Variants in MAP7D2 observed in about 807,000 individuals in gnomAD.
The protein encoded by MAP7D2 is MAP7 domain containing 2.
Under a neutral mutation model 63.5 loss-of-function variants are expected in MAP7D2, and 33 were observed. That is an observed-to-expected ratio of 0.52 (90% CI 0.39 to 0.70). The LOEUF (loss-of-function observed/expected upper bound fraction) is 0.70, where lower values mean the gene tolerates loss of function less well. Among genes scored for constraint, MAP7D2 ranks in the 30% least tolerant of loss-of-function variants. MAP7D2 has a pLI of 0.00. For synonymous variants in MAP7D2, 224 were observed against 223.7 expected (o/e 1.00, Z -0.01); for missense variants, 626 against 604.0 (o/e 1.04, Z -0.38).
rs1420784181 is a variant in MAP7D2 at position 20,016,161 on chromosome X, T to C, written c.1577A>G (p.Glu526Gly). 4 of 1,201,159 alleles carry C rather than the reference T, an allele frequency of 3.3e-6. No homozygotes were observed. ...CTTTTCTTTCAACAACAGCTCCTCC[T>C]CAGCCTTCCGCTTGGCCTCCTCGCC... ...KAGEEAKRKA[E>G]EELLLKEKQE... The change falls in exon 11 of 17, where the codon GAG becomes GGG. Residue 526 changes from glutamate (E) to glycine (G), a missense_variant. Transcript: ENST00000379643.
chrX:20,032,313 T>C (rs913229522), intron 8 of MAP7D2, among the ~76,000 whole-genome samples: 6 of 111,784 alleles, frequency 5.4e-5, no homozygotes, highest in South Asian at 3.8e-4. Context: ...GAGAATGATG[T>C]GGTGGCAAAA....
At chrX:20,116,458 A>G in intron 1 of MAP7D2, 1 of 548,165 alleles carries the variant, frequency 1.8e-6, no homozygotes, top group South Asian at 9.7e-5. Context: ...GACCCGCAGC[A>G]CCCCCTCAGG....
intron 1 of MAP7D2, among the ~76,000 whole-genome samples, chrX:20,074,826 G>T (rs1226248148): frequency 9.0e-6 from 1 of 111,546 alleles, no homozygotes; most frequent in Non-Finnish European, 1.9e-5. Context: ...TGAGACAGGT[G>T]AATCACCTGA....
At chrX:20,084,344 C>T (rs907328899) in intron 1 of MAP7D2, among the ~76,000 whole-genome samples, 10 of 111,546 alleles carry the variant, frequency 9.0e-5, no homozygotes, top group Middle Eastern at 4.6e-3. Flanking sequence ...CATCAATATA[C>T]GGTAGTAATA....
At position 20,044,480 on chromosome X, in the gene MAP7D2, G is replaced by T; in HGVS notation, c.763C>A (p.Pro255Thr). Reference sequence around the variant, plus strand: ...CGAGTGGGTGAAGACTTGTAAGAAGGGTTAAGAGGGCCAAGAGGAGCTAAA... The same window carrying T: ...CGAGTGGGTGAAGACTTGTAAGAAGTGTTAAGAGGGCCAAGAGGAGCTAAA... ...PRLAPLGPLN[P>T]SYKSSPTRNI... is the part of the protein sequence containing the mutation. The change falls in exon 7 of 17, where the codon CCT (proline) becomes ACT (threonine). Residue 255 changes from proline (P) to threonine (T), a missense_variant. By Grantham distance (38) the Pro-to-Thr change is conservative. Transcript: ENST00000379643. The T allele has an allele frequency of 8.3e-7, 1 of 1,210,392 alleles. No homozygotes were observed.
At chrX:20,085,293 CT>C (rs2065884062) in intron 1 of MAP7D2, among the ~76,000 whole-genome samples, 1 of 112,199 alleles carries the variant, frequency 8.9e-6, no homozygotes, top group South Asian at 3.7e-4. Context: ...AGCTTTGATA[CT>C]TGTAAAAACC....
In MAP7D2 at chrX:20,094,557, T is replaced by C. The variant is rs1253095044; in HGVS notation, c.130+22193A>G. Among the ~76,000 whole-genome samples, 5 of 13,353 alleles carry C rather than the reference T, an allele frequency of 3.7e-4. 1 individual carries two copies. Among genetic ancestry groups the C allele is most frequent in the East Asian group, 5.7e-3 (2 of 348 alleles). The allele number at this position is 13,353 out of a possible 115,157, so 11.6% of individuals were successfully genotyped here. On this transcript the variant is annotated intron_variant, in intron 1 of 16. Coordinates refer to ENST00000379643, the MANE Select transcript of MAP7D2 (RefSeq NM_001168465.2). ...ATATATATATGTATATATATATATA[T>C]ATATATATATACATATATATGTATA... is the stretch of plus-strand genomic sequence containing the variant.
At chrX:20,049,460 TGG>T (rs1332299509) in intron 6 of MAP7D2, among the ~76,000 whole-genome samples, 1 of 109,111 alleles carries the variant, frequency 9.2e-6, no homozygotes, top group African/African-American at 3.3e-5. Context: ...TTAGTAGAGA[TGG>T]GGTTTCACTA....
At chrX:20,097,360 G>A (rs2148516605) in intron 1 of MAP7D2, among the ~76,000 whole-genome samples, 1 of 111,490 alleles carries the variant, frequency 9.0e-6, no homozygotes. Context: ...TAAGCTCTGG[G>A]CCAATGTGTG....
chrX:20,055,664 C>T (rs1466317420), intron 4 of MAP7D2: 1 of 620,893 alleles, frequency 1.6e-6, no homozygotes, highest in Admixed American at 3.8e-5. Context: ...TTGACGCAGA[C>T]ATGGTGATGG....
chrX:20,046,780 T>C (rs182507765), intron 6 of MAP7D2, among the ~76,000 whole-genome samples: 113 of 113,025 alleles, frequency 1.0e-3, no homozygotes, highest in African/African-American at 3.5e-3. Context: ...GAAATGCTTT[T>C]GTCCTTTCTT....
chrX:20,061,697 A>G lies in MAP7D2; in HGVS notation c.372+1717T>C, dbSNP rs1375336961. On this transcript the variant is annotated intron_variant, in intron 3 of 16. Coordinates refer to ENST00000379643, the MANE Select transcript of MAP7D2 (RefSeq NM_001168465.2). Reference sequence around the variant, plus strand: ...TATGGCATAAAACTCCCTCACCTCCAAGAAGGGGGAGCTGTTCTACTTAAT... The same window carrying G: ...TATGGCATAAAACTCCCTCACCTCCGAGAAGGGGGAGCTGTTCTACTTAAT... Among the ~76,000 whole-genome samples, 5 of 112,706 alleles carry G rather than the reference A, an allele frequency of 4.4e-5. No homozygotes were observed. In the Admixed American group the frequency reaches 4.7e-4, roughly 11 times the overall value.
At chrX:20,089,052 G>GTTAC (rs1156725265) in intron 1 of MAP7D2, among the ~76,000 whole-genome samples, 1 of 111,633 alleles carries the variant, frequency 9.0e-6, no homozygotes. Flanking sequence ...CAGTGCTAGG[G>GTTAC]TTACAGGTGT....
chrX:20,097,679 G>T (rs1437609696), intron 1 of MAP7D2, among the ~76,000 whole-genome samples: 1 of 111,746 alleles, frequency 8.9e-6, no homozygotes, highest in Non-Finnish European at 1.9e-5. Flanking sequence ...GCACTAGGTG[G>T]GAGAAAAAGA....
chrX:20,076,462 T>C (rs2065644651), intron 1 of MAP7D2, among the ~76,000 whole-genome samples: 1 of 111,346 alleles, frequency 9.0e-6, no homozygotes, highest in African/African-American at 3.3e-5. Flanking sequence ...TCCCAGCACT[T>C]TGGGAGGCTG....
intron 1 of MAP7D2, among the ~76,000 whole-genome samples, chrX:20,113,311 A>G (rs1014578200): frequency 5.4e-5 from 6 of 111,143 alleles, no homozygotes; most frequent in Admixed American, 2.9e-4. Flanking sequence ...CAGTGGCTCA[A>G]TCTCTGCTCA....
In MAP7D2 at chrX:20,009,989, C is replaced by T. The variant is rs145683673; in HGVS notation, c.*26+788G>A. Among the ~76,000 whole-genome samples, 321 of 111,879 alleles carry T rather than the reference C, an allele frequency of 2.9e-3. 3 individuals are homozygous for T. Among genetic ancestry groups the T allele is most frequent in the Middle Eastern group, 0.027 (6 of 219 alleles). On this transcript the variant is annotated intron_variant, in intron 16 of 16. Coordinates refer to ENST00000379643, the MANE Select transcript of MAP7D2 (RefSeq NM_001168465.2). Reference sequence around the variant, plus strand: ...CAGCCTGGACAACAGAGTGAGATCACTTCTCTTGAAAACAAAAACAGAATC... The same window carrying T: ...CAGCCTGGACAACAGAGTGAGATCATTTCTCTTGAAAACAAAAACAGAATC...
At chrX:20,113,361 T>C (rs781099433) in intron 1 of MAP7D2, among the ~76,000 whole-genome samples, 8 of 111,510 alleles carry the variant, frequency 7.2e-5, no homozygotes, top group African/African-American at 2.3e-4. Flanking sequence ...ATTCCCTGCC[T>C]CAGCCTCCCG....
intron 3 of MAP7D2, among the ~76,000 whole-genome samples, chrX:20,060,047 T>A (rs2065169536): frequency 9.5e-6 from 1 of 105,411 alleles, no homozygotes; most frequent in Non-Finnish European, 2.0e-5. Context: ...TGAGACAGAG[T>A]CTTGCTTTGT....
Sources: allele counts gnomAD v4.1 joint callset (sites outside exome capture counted in the v4.1 genomes callset), GRCh38; gene constraint gnomAD v4.1.1; transcripts MANE v1.5; gene names NCBI Gene and HGNC (gene_info 2026-07-23, HGNC 2026-07-21).